Variants in KAZN observed in about 807,000 individuals in gnomAD.
KAZN encodes the protein kazrin.
In KAZN, 40 loss-of-function variants were observed where a neutral mutation model predicts 87.4. The observed-to-expected ratio is 0.46, with a 90% CI of 0.36 to 0.60. The LOEUF (loss-of-function observed/expected upper bound fraction) is 0.60. Among genes scored for constraint, KAZN ranks in the 20% least tolerant of loss-of-function variants. KAZN has a pLI of 0.00. For synonymous variants in KAZN, 466 were observed against 458.3 expected, an observed-to-expected ratio of 1.02 and a Z score of -0.22; for missense variants, 898 against 1,073.9, an observed-to-expected ratio of 0.84 and a Z score of 2.29.
At chr1:14,755,325 G>C (rs902931425) in intron 1 of KAZN, among the ~76,000 whole-genome samples, 12 of 152,066 alleles carry the variant, frequency 7.9e-5, no homozygotes, top group Admixed American at 4.6e-4. Context: ...CCTTTCACCT[G>C]TCTCCCTGCC....
At chr1:14,902,227 ATT>A (rs550847895) in intron 1 of KAZN, among the ~76,000 whole-genome samples, 3 of 144,888 alleles carry the variant, frequency 2.1e-5, no homozygotes, top group Non-Finnish European at 3.0e-5. Context: ...GAGAACTGCA[ATT>A]TTTTTTTTTT....
intron 1 of KAZN, among the ~76,000 whole-genome samples, chr1:14,091,186 A>T (rs1570716147): frequency 1.3e-5 from 2 of 151,184 alleles, no homozygotes; most frequent in Non-Finnish European, 1.5e-5. Flanking sequence ...TCCTCTTGGT[A>T]TATTGCCATG....
chr1:14,473,493 G>T (rs1668559411), intron 2 of KAZN, among the ~76,000 whole-genome samples: 1 of 152,056 alleles, frequency 6.6e-6, no homozygotes, highest in Non-Finnish European at 1.5e-5. Flanking sequence ...TGGGCATGGT[G>T]GCATATGCCT....
At chr1:14,914,754 C>A (rs894724757) in intron 1 of KAZN, among the ~76,000 whole-genome samples, 1 of 152,104 alleles carries the variant, frequency 6.6e-6, no homozygotes, top group East Asian at 1.9e-4. Context: ...TGAATCTTAG[C>A]TCCACCTTAT....
chr1:14,720,000 G>A (rs1237018873), intron 1 of KAZN, among the ~76,000 whole-genome samples: 2 of 152,200 alleles, frequency 1.3e-5, no homozygotes, highest in African/African-American at 4.8e-5. Flanking sequence ...GGCAGGGACA[G>A]GAGGGCAGCA....
At chr1:14,639,179 C>T (rs1318836875) in intron 1 of KAZN, among the ~76,000 whole-genome samples, 2 of 152,162 alleles carry the variant, frequency 1.3e-5, no homozygotes, top group Non-Finnish European at 2.9e-5. Flanking sequence ...CTGATGCACT[C>T]GGTCAGGGCT....
chr1:14,304,557 G>C lies in KAZN; in HGVS notation c.249+123965G>C, dbSNP rs186510668. The stretch of plus-strand genomic sequence containing the variant: ...CTGAGGAAGTTTGGTCTATTTCTTG[G>C]CCTTATGTCAAACATTGCTATTTTT... On this transcript the variant is annotated intron_variant, in intron 2 of 16. Coordinates refer to the KAZN transcript ENST00000636203. 5.7e-4 allele frequency: 227 copies of C among 398,158 alleles called. 3 individuals carry two copies. In the Admixed American group the frequency reaches 9.6e-3, roughly 17 times the overall value. The allele number at this position is 398,158 out of a possible 1,614,324, so 24.7% of individuals were successfully genotyped here.
At chr1:15,098,636 G>A (rs1008599161) in intron 10 of KAZN, among the ~76,000 whole-genome samples, 6 of 152,248 alleles carry the variant, frequency 3.9e-5, no homozygotes, top group African/African-American at 1.4e-4. Context: ...TCCAGCTCCT[G>A]CCCGAGAGAA....
At chr1:14,425,325 TCTC>T (rs1176909974) in intron 2 of KAZN, among the ~76,000 whole-genome samples, 1 of 152,114 alleles carries the variant, frequency 6.6e-6, no homozygotes, top group African/African-American at 2.4e-5. Flanking sequence ...GGTCTTCCCA[TCTC>T]CTGAGTAAAG....
rs374672868 is a variant in KAZN at position 14,270,987 on chromosome 1, C to T, written c.249+90395C>T. 6.6e-4 allele frequency among the ~76,000 whole-genome samples: 101 copies of T among 152,292 alleles called. No individual in the cohort carries two copies. The Middle Eastern group carries it at 0.024, about 36-fold the overall frequency. ...GGTTTGCTACAGTGTCCGTTTGCTC[C>T]GGCTGCCATCGCAAAGTACCACCAG... On this transcript the variant is annotated intron_variant, in intron 2 of 16. Coordinates refer to the KAZN transcript ENST00000636203.
intron 1 of KAZN, among the ~76,000 whole-genome samples, chr1:14,013,785 G>C (rs10803449): frequency 0.68 from 103,154 of 152,060 alleles, 35,346 homozygotes; most frequent in Admixed American, 0.75. Flanking sequence ...GCTAGATGTG[G>C]GTTTCTCATT....
At chr1:14,513,687 T>TA (rs1671040084) in intron 2 of KAZN, among the ~76,000 whole-genome samples, 3 of 152,180 alleles carry the variant, frequency 2.0e-5, no homozygotes, top group Non-Finnish European at 4.4e-5. Context: ...CATATCATAG[T>TA]AAGCATTTTA....
intron 1 of KAZN, among the ~76,000 whole-genome samples, chr1:13,942,265 G>A (rs1350730690): frequency 6.6e-6 from 1 of 151,976 alleles, no homozygotes; most frequent in Non-Finnish European, 1.5e-5. Flanking sequence ...CACCGGCCAG[G>A]CGCGGTGGCT....
chr1:14,540,340 G>A (rs1158096895), intron 2 of KAZN, among the ~76,000 whole-genome samples: 1 of 152,174 alleles, frequency 6.6e-6, no homozygotes, highest in Non-Finnish European at 1.5e-5. Flanking sequence ...GAGCCTGCAA[G>A]GAAAATGGGG....
intron 3 of KAZN, 70 bp from the exon 4 acceptor site, chr1:15,043,919 C>G (rs765525905): frequency 1.4e-6 from 2 of 1,474,180 alleles, no homozygotes; most frequent in Admixed American, 2.2e-5. Context: ...TAGGCCCCCT[C>G]TAGGCATCCC....
At chr1:14,289,053 G>T (rs1351074414) in intron 2 of KAZN, among the ~76,000 whole-genome samples, 2 of 152,182 alleles carry the variant, frequency 1.3e-5, no homozygotes, top group Admixed American at 1.3e-4. Flanking sequence ...GAGACATTTT[G>T]TTGTGATTTC....
rs141980674 is a variant in KAZN at position 14,094,260 on chromosome 1, C to T, written c.92-86175C>T. ...TTTTTTGAGCCCTAATATCCTCAAACGCTGTTGATGAGAATGGAAAATAGT... is the reference window on the plus strand; with the variant it reads ...TTTTTTGAGCCCTAATATCCTCAAATGCTGTTGATGAGAATGGAAAATAGT... On this transcript the variant is annotated intron_variant, in intron 1 of 16. Transcript: ENST00000636203. Among the ~76,000 whole-genome samples, 15 of 152,146 alleles carry T rather than the reference C, an allele frequency of 9.9e-5. No individual in the cohort carries two copies. In the East Asian group the frequency reaches 2.1e-3, roughly 22 times the overall value.
chr1:14,777,572 C>T (rs982646824), intron 1 of KAZN, among the ~76,000 whole-genome samples: 2 of 152,150 alleles, frequency 1.3e-5, no homozygotes, highest in African/African-American at 4.8e-5. Flanking sequence ...CATCTCTCCT[C>T]CTTAGGACCT....
chr1:14,009,424 C>G (rs1269476497), intron 1 of KAZN, among the ~76,000 whole-genome samples: 2 of 152,154 alleles, frequency 1.3e-5, no homozygotes, highest in Non-Finnish European at 2.9e-5. Flanking sequence ...ATATTCCTTC[C>G]CACTGGAACA....
Sources: allele counts gnomAD v4.1 joint callset (sites outside exome capture counted in the v4.1 genomes callset), GRCh38; gene constraint gnomAD v4.1.1; transcripts MANE v1.5; gene names NCBI Gene and HGNC (gene_info 2026-07-23, HGNC 2026-07-21).